The following OR7E24 variants were observed in gnomAD, a reference collection of about 807,000 sequenced individuals.
OR7E24 encodes olfactory receptor family 7 subfamily E member 24.
For missense variants in OR7E24, 385 were observed against 410.3 expected (o/e 0.94, Z 0.53); for synonymous variants, 130 against 157.5 (o/e 0.83, Z 1.31).
chr19:9,206,899 A>C, the OR7E24 span: 4 of 152,216 alleles, frequency 2.6e-5, no homozygotes, highest in Non-Finnish European at 4.4e-5. Context: ...CTTACAAATG[A>C]TGATGGCTGG....
chr19:9,220,059 AT>A, the OR7E24 span, among the ~76,000 whole-genome samples: 3 of 151,750 alleles, frequency 2.0e-5, no homozygotes, highest in South Asian at 2.1e-4. Context: ...ATTTTTATAT[AT>A]TTTTTTAAAT....
upstream of OR7E24, among the ~76,000 whole-genome samples, chr19:9,245,127 A>G (rs1170830688): frequency 6.6e-6 from 1 of 152,174 alleles, no homozygotes; most frequent in Non-Finnish European, 1.5e-5. Flanking sequence ...AGTCACGAGA[A>G]TCGCTTGAAC....
At chr19:9,234,906 C>T in the OR7E24 span, among the ~76,000 whole-genome samples, 1 of 152,126 alleles carries the variant, frequency 6.6e-6, no homozygotes, top group Non-Finnish European at 1.5e-5. Flanking sequence ...GAAGAAATTA[C>T]TGTCCATAGG....
the OR7E24 span, among the ~76,000 whole-genome samples, chr19:9,228,452 C>T: frequency 6.6e-6 from 1 of 150,462 alleles, no homozygotes; most frequent in African/African-American, 2.5e-5. Context: ...CGTTAGGCTA[C>T]ACTTTCTCTC....
the OR7E24 span, among the ~76,000 whole-genome samples, chr19:9,234,437 A>C: frequency 2.0e-5 from 3 of 152,232 alleles, no homozygotes; most frequent in Non-Finnish European, 4.4e-5. Flanking sequence ...AGTGATACTG[A>C]CAATCATATT....
At chr19:9,210,216 T>C in the OR7E24 span, 1 of 152,196 alleles carries the variant, frequency 6.6e-6, no homozygotes, top group Non-Finnish European at 1.5e-5. Context: ...ATTCAACTTG[T>C]TGGAATATAT....
the OR7E24 span, among the ~76,000 whole-genome samples, chr19:9,226,013 G>T: frequency 1.1e-4 from 16 of 152,188 alleles, no homozygotes; most frequent in African/African-American, 2.4e-4. Context: ...ACACAGCAAG[G>T]CACCTGTGCA....
the OR7E24 span, among the ~76,000 whole-genome samples, chr19:9,239,460 C>T: frequency 3.3e-5 from 5 of 151,942 alleles, no homozygotes; most frequent in East Asian, 3.9e-4. Flanking sequence ...GCTGAGCCAC[C>T]GCACATGGCC....
chr19:9,246,379 A>G (rs891513376), upstream of OR7E24, among the ~76,000 whole-genome samples: 3 of 151,464 alleles, frequency 2.0e-5, no homozygotes, highest in East Asian at 3.9e-4. Flanking sequence ...CAATTTGCTT[A>G]TTATAGTAAT....
the OR7E24 span, chr19:9,235,496 T>C: frequency 1.3e-6 from 2 of 1,589,064 alleles, no homozygotes; most frequent in Non-Finnish European, 1.7e-6. Flanking sequence ...CTGGCTGTGA[T>C]AGCCTATGAC....
At chr19:9,244,044 G>T (rs2066123017), upstream of OR7E24, among the ~76,000 whole-genome samples, 1 of 152,174 alleles carries the variant, frequency 6.6e-6, no homozygotes, top group African/African-American at 2.4e-5. Context: ...CCACTGTGTT[G>T]GGATTCAACA....
chr19:9,215,341 CAAAAAAA>C, the OR7E24 span, among the ~76,000 whole-genome samples: 2 of 83,140 alleles, frequency 2.4e-5, no homozygotes, highest in East Asian at 4.0e-4. Flanking sequence ...GACTCCGTCT[CAAAAAAA>C]AAAAAAAAAA....
chr19:9,227,744 T>A, the OR7E24 span, among the ~76,000 whole-genome samples: 4 of 148,538 alleles, frequency 2.7e-5, no homozygotes, highest in African/African-American at 7.5e-5. Flanking sequence ...GGTAGAATGG[T>A]ATTTCTTTTT....
chr19:9,229,825 C>T, the OR7E24 span, among the ~76,000 whole-genome samples: 3 of 152,086 alleles, frequency 2.0e-5, no homozygotes, highest in African/African-American at 7.2e-5. Context: ...CCCTGCCACC[C>T]CTCAAGTGTA....
upstream of OR7E24, among the ~76,000 whole-genome samples, chr19:9,247,721 C>G (rs1436619423): frequency 6.6e-6 from 1 of 152,164 alleles, no homozygotes. Flanking sequence ...TTTTACATTT[C>G]CATACTCCCT....
In OR7E24 at chr19:9,251,467, G is replaced by A. The variant is rs756390916; in HGVS notation, c.424G>A (p.Val142Met). 4 of 1,613,988 alleles carry A rather than the reference G, an allele frequency of 2.5e-6. No individual in the cohort carries two copies. The African/African-American group carries it at 4.0e-5, about 16-fold the overall frequency. Residue 142 changes from valine to methionine, a missense_variant, in exon 1 of 1, where the codon GTG (valine) becomes ATG (methionine). Val to Met is a conservative substitution (Grantham distance 21). Coordinates refer to ENST00000456448, the MANE Select transcript of OR7E24 (RefSeq NM_001079935.2). ...LLSVMAYDRF[V>M]AICHPLHYRI... ...GAGTGTGATGGCCTATGACCGGTTTGTGGCCATCTGTCACCCCCTGCACTA... is the reference window on the plus strand; with the variant it reads ...GAGTGTGATGGCCTATGACCGGTTTATGGCCATCTGTCACCCCCTGCACTA...
At chr19:9,250,648 A>G (rs1378489457), upstream of OR7E24, among the ~76,000 whole-genome samples, 1 of 152,236 alleles carries the variant, frequency 6.6e-6, no homozygotes, top group Non-Finnish European at 1.5e-5. Context: ...AAATATCCTC[A>G]ATCAATGGAA....
At chr19:9,245,468 G>A (rs2066126474), upstream of OR7E24, among the ~76,000 whole-genome samples, 1 of 152,140 alleles carries the variant, frequency 6.6e-6, no homozygotes, top group Non-Finnish European at 1.5e-5. Context: ...GTAAAATGGT[G>A]CAGCAGTATG....
At chr19:9,215,798 G>A in the OR7E24 span, among the ~76,000 whole-genome samples, 1 of 152,090 alleles carries the variant, frequency 6.6e-6, no homozygotes, top group Admixed American at 6.6e-5. Context: ...GTATAGCATA[G>A]AGCTGTGATT....
Sources: gnomAD v4.1 joint callset for allele counts (sites outside exome capture counted in the v4.1 genomes callset) on GRCh38, gnomAD v4.1.1 for gene constraint, MANE v1.5 for transcripts, NCBI Gene and HGNC (gene_info 2026-07-23, HGNC 2026-07-21) for gene names.